ALG13: variants seen among roughly 807,000 people sequenced by gnomAD.
ALG13 encodes UDP-N-acetylglucosamine transferase subunit ALG13.
In ALG13, 11 loss-of-function variants were observed where a neutral mutation model predicts 87.8. That is an observed-to-expected ratio of 0.13 (90% CI 0.08 to 0.21). The LOEUF (loss-of-function observed/expected upper bound fraction) is 0.21. Among genes scored for constraint, ALG13 ranks in the 10% least tolerant of loss-of-function variants. The pLI, the probability that ALG13 is intolerant of heterozygous loss-of-function variation, is 1.00. For synonymous variants in ALG13, 320 were observed against 306.3 expected (o/e 1.04, Z -0.47); for missense variants, 756 against 866.1 (o/e 0.87, Z 1.60).
At position 111,713,308 on chromosome X, in the gene ALG13, G is replaced by A; in HGVS notation, c.1005+11G>A. 2 of 1,118,552 alleles carry A rather than the reference G, an allele frequency of 1.8e-6. No homozygotes were observed. Among genetic ancestry groups the A allele is most frequent in the Non-Finnish European group, 1.2e-6 (1 of 817,003 alleles). 92.2% of individuals were successfully genotyped at this position (1,118,552 alleles called of 1,213,427 possible). A position where few individuals can be genotyped will look rare whatever the true frequency, so the allele number is the denominator to read the frequency against. On this transcript the variant is annotated intron_variant, in intron 8 of 26. Transcript: ENST00000394780. ...GGCTATGAAGACAAGGTAAGAAGAT[G>A]AGTGAATGTTGACTTATATAAAAGA... is the stretch of plus-strand genomic sequence containing the variant.
chrX:111,718,206 G>A lies in ALG13; in HGVS notation c.1182G>A (p.Lys394=), dbSNP rs1602694246. ...AIKLFRSGSK[K]NRNNAVTGSE... Reference sequence around the variant, plus strand: ...AATTGTTTCGAAGTGGTTCTAAGAAGAACAGAAATAATGCTGTAACTGGAA... The same window carrying A: ...AATTGTTTCGAAGTGGTTCTAAGAAAAACAGAAATAATGCTGTAACTGGAA... The change falls in exon 10 of 27, where the codon AAG becomes AAA. Residue 394 remains lysine, a synonymous_variant. Transcript: ENST00000394780. The A allele has an allele frequency of 5.9e-6, 7 of 1,183,830 alleles. No homozygotes were observed. Among genetic ancestry groups the A allele is most frequent in the Non-Finnish European group, 5.7e-6 (5 of 880,866 alleles).
At chrX:111,737,786 G>C (rs1481394895) in intron 23 of ALG13, among the ~76,000 whole-genome samples, 3 of 112,466 alleles carry the variant, frequency 2.7e-5, no homozygotes, top group Admixed American at 9.4e-5. Flanking sequence ...TCTAATACTA[G>C]GTGAGTGCAT....
intron 3 of ALG13, among the ~76,000 whole-genome samples, chrX:111,697,547 T>G (rs1937136810): frequency 8.9e-6 from 1 of 111,969 alleles, no homozygotes; most frequent in South Asian, 3.7e-4. Flanking sequence ...TTTTCAGGAC[T>G]AAAGTAGTTT....
At chrX:111,696,573 G>A (rs1339510673) in intron 3 of ALG13, among the ~76,000 whole-genome samples, 1 of 111,443 alleles carries the variant, frequency 9.0e-6, no homozygotes, top group Non-Finnish European at 1.9e-5. Flanking sequence ...TCATTTAATT[G>A]GTTGAAACGT....
intron 3 of ALG13, chrX:111,690,528 C>A: frequency 3.1e-6 from 1 of 320,976 alleles, no homozygotes; most frequent in Non-Finnish European, 4.1e-6. Context: ...ACATAGGGTT[C>A]TGGAACATTT....
At chrX:111,687,244 C>G (rs1935211327) in intron 3 of ALG13, among the ~76,000 whole-genome samples, 1 of 112,441 alleles carries the variant, frequency 8.9e-6, no homozygotes, top group South Asian at 3.7e-4. Context: ...CACACCCAGC[C>G]AATAATTGGT....
At chrX:111,690,631 T>G (rs184051453) in intron 3 of ALG13, among the ~76,000 whole-genome samples, 2,004 of 110,311 alleles carry the variant, frequency 0.018, 20 homozygotes, top group Non-Finnish European at 0.026. Flanking sequence ...TTTTTTGTAT[T>G]TTAGTAGGGA....
intron 24 of ALG13, among the ~76,000 whole-genome samples, chrX:111,747,529 C>T (rs1210006306): frequency 9.0e-6 from 1 of 111,593 alleles, no homozygotes. Flanking sequence ...CTCTGTCACC[C>T]AGGCTGGAAT....
chrX:111,723,621 A>G (rs1941657921), intron 13 of ALG13, among the ~76,000 whole-genome samples, 177 bp from the exon 14 acceptor site: 1 of 112,131 alleles, frequency 8.9e-6, no homozygotes, highest in Non-Finnish European at 1.9e-5. Context: ...TTACAAATTT[A>G]GTGATTAGAT....
chrX:111,686,128 T>C, intron 3 of ALG13: 1 of 1,109,064 alleles, frequency 9.0e-7, no homozygotes, highest in Non-Finnish European at 1.2e-6. Flanking sequence ...CTTGTTTGTT[T>C]TCTATTAGTT....
intron 23 of ALG13, among the ~76,000 whole-genome samples, chrX:111,742,740 G>C (rs1272185734): frequency 8.9e-6 from 1 of 112,385 alleles, no homozygotes; most frequent in Non-Finnish European, 1.9e-5. Context: ...CCTTGGCCCT[G>C]GTCTGTGATT....
chrX:111,753,888 A>G (rs1019402847), intron 25 of ALG13, among the ~76,000 whole-genome samples: 1 of 112,092 alleles, frequency 8.9e-6, no homozygotes, highest in African/African-American at 3.2e-5. Context: ...ATTCCAATCA[A>G]TAGAAAGAGA....
intron 25 of ALG13, among the ~76,000 whole-genome samples, chrX:111,754,728 G>C (rs1471461381): frequency 9.0e-6 from 1 of 111,361 alleles, no homozygotes; most frequent in African/African-American, 3.3e-5. Context: ...GGATGTGAAG[G>C]ACCTCTTCAA....
At chrX:111,708,541 C>T (rs1939174368) in intron 4 of ALG13, 148 bp downstream of exon 4, 4 of 649,478 alleles carry the variant, frequency 6.2e-6, no homozygotes, top group Admixed American at 6.3e-5. Flanking sequence ...AAGCTGCCTG[C>T]TCTTATTAGC....
intron 8 of ALG13, among the ~76,000 whole-genome samples, chrX:111,716,191 C>A (rs1207834849): frequency 2.7e-5 from 3 of 110,847 alleles, no homozygotes; most frequent in African/African-American, 9.9e-5. Flanking sequence ...TTTAAATATC[C>A]TTCTTAGTAA....
At chrX:111,713,671 C>T (rs1314075738) in intron 8 of ALG13, among the ~76,000 whole-genome samples, 1 of 112,076 alleles carries the variant, frequency 8.9e-6, no homozygotes, top group Non-Finnish European at 1.9e-5. Flanking sequence ...TACTTTGTGT[C>T]TTTGTATTTG....
chrX:111,705,699 G>A (rs1402144765), intron 3 of ALG13, among the ~76,000 whole-genome samples: 1 of 111,677 alleles, frequency 9.0e-6, no homozygotes, highest in Non-Finnish European at 1.9e-5. Context: ...ACCACTTGAT[G>A]AAAATGCTAT....
intron 3 of ALG13, among the ~76,000 whole-genome samples, chrX:111,691,812 T>G (rs1240597776): frequency 2.7e-5 from 3 of 112,797 alleles, no homozygotes; most frequent in African/African-American, 9.7e-5. Context: ...TGATGGCTAC[T>G]CATAGAATCC....
At chrX:111,707,329 T>C (rs972491052) in intron 3 of ALG13, among the ~76,000 whole-genome samples, 2 of 112,610 alleles carry the variant, frequency 1.8e-5, no homozygotes, top group African/African-American at 6.5e-5. Context: ...AACACACTTT[T>C]TTGCATTTTT....
Sources: allele counts gnomAD v4.1 joint callset (sites outside exome capture counted in the v4.1 genomes callset), GRCh38; gene constraint gnomAD v4.1.1; transcripts MANE v1.5; gene names NCBI Gene and HGNC (gene_info 2026-07-23, HGNC 2026-07-21).